SIPA1L3: variants seen among roughly 807,000 people sequenced by gnomAD.
SIPA1L3 encodes the protein signal induced proliferation associated 1 like 3, also known as signal-induced proliferation-associated 1-like protein 3.
A neutral mutation model predicts 150.1 loss-of-function variants in SIPA1L3; 59 were observed. The observed-to-expected ratio is 0.39, with a 90% confidence interval of 0.32 to 0.49. The LOEUF (loss-of-function observed/expected upper bound fraction) is 0.49. Among genes scored for constraint, SIPA1L3 ranks in the 20% least tolerant of loss-of-function variants. SIPA1L3 has a pLI of 0.86. For missense variants in SIPA1L3, 2,211 were observed against 2,489.5 expected (o/e 0.89, Z 2.38); for synonymous variants, 1,070 against 1,077.6 (o/e 0.99, Z 0.14).
rs201996351 is a variant in SIPA1L3 at position 38,192,317 on chromosome 19, A to C, written c.4596+7A>C. ...GCAGGAGAGAGACACGGGAGTACGT[A>C]GGGCCCTGTCCCCCGCTCCCGACCC... On this transcript the variant is annotated splice_region_variant and intron_variant, in intron 17 of 21. Coordinates refer to ENST00000222345, the MANE Select transcript of SIPA1L3 (RefSeq NM_015073.3). The C allele has an allele frequency of 6.3e-7, 1 of 1,593,284 alleles. No individual in the cohort carries two copies.
intron 4 of SIPA1L3, among the ~76,000 whole-genome samples, chr19:38,094,566 T>G (rs987936633): frequency 6.6e-6 from 1 of 152,148 alleles, no homozygotes; most frequent in African/African-American, 2.4e-5. Context: ...TATGTTTAAA[T>G]GAACAATCTC....
chr19:38,142,575 C>G lies in SIPA1L3; in HGVS notation c.3398C>G (p.Pro1133Arg). 6.2e-7 allele frequency: 1 copy of G among 1,607,924 alleles called. No homozygotes were observed. The highest frequency in any genetic ancestry group is 1.1e-5 in the South Asian group (1 of 90,400). The change falls in exon 12 of 22, where the codon CCT (proline) becomes CGT (arginine). Residue 1133 changes from proline to arginine, a missense_variant and splice_region_variant. Physicochemically the swap from Pro to Arg is moderately radical, Grantham distance 103 (BLOSUM62 -2). Coordinates refer to ENST00000222345, the MANE Select transcript of SIPA1L3 (RefSeq NM_015073.3). Reference protein sequence around the residue: ...RESQPLHSKRPVSFPETPYTV... With the variant: ...RESQPLHSKRRVSFPETPYTV... The stretch of plus-strand genomic sequence containing the variant: ...CTTCCTCCCCTGTCTCCTTCTAGGC[C>G]TGTCAGCTTCCCAGAAACCCCTTAC...
intron 2 of SIPA1L3, among the ~76,000 whole-genome samples, chr19:38,059,276 C>T (rs537462171): frequency 6.6e-6 from 1 of 150,646 alleles, no homozygotes; most frequent in East Asian, 2.0e-4. Context: ...GCTTGTATTA[C>T]AGGTGTGAGC....
In SIPA1L3 at chr19:38,193,662, C is replaced by A; in HGVS notation, c.4722C>A (p.Thr1574=). 6 of 1,581,674 alleles carry A rather than the reference C, an allele frequency of 3.8e-6. No homozygotes were observed. Among genetic ancestry groups the A allele is most frequent in the Non-Finnish European group, 4.3e-6 (5 of 1,171,716 alleles). Residue 1574 remains threonine, a synonymous_variant, in exon 18 of 22, where the codon ACC becomes ACA. Transcript: ENST00000222345. ...EPGLPSDVLF[T]STCAFPSSTL... The stretch of plus-strand genomic sequence containing the variant: ...GGCTGCCCAGCGACGTGCTCTTCAC[C>A]AGCACCTGCGCCTTCCCGTCCAGCA...
intron 15 of SIPA1L3, among the ~76,000 whole-genome samples, chr19:38,177,510 C>T (rs1205053275): frequency 1.3e-5 from 2 of 151,488 alleles, no homozygotes; most frequent in Non-Finnish European, 2.9e-5. Flanking sequence ...CCATTCCCCA[C>T]AAAAAGGGGG....
intron 15 of SIPA1L3, among the ~76,000 whole-genome samples, chr19:38,177,143 T>C (rs1026448094): frequency 3.3e-5 from 5 of 151,942 alleles, no homozygotes; most frequent in East Asian, 1.9e-4. Flanking sequence ...GGGCAGATCA[T>C]GAGGTCAGGA....
chr19:37,974,083 T>G (rs1967015501), intron 1 of SIPA1L3, among the ~76,000 whole-genome samples: 1 of 152,172 alleles, frequency 6.6e-6, no homozygotes. Flanking sequence ...ATGATGCTGA[T>G]CTAACATTGG....
Position 38,192,212 on chromosome 19 carries a change from C to A in SIPA1L3, c.4498C>A (p.Arg1500=), listed in dbSNP as rs147814643. Residue 1500 remains arginine (R), a synonymous_variant, in exon 17 of 22, where the codon CGG becomes AGG. Coordinates refer to ENST00000222345, the MANE Select transcript of SIPA1L3 (RefSeq NM_015073.3). The part of the protein sequence containing the change: ...PRLRASLRDL[R]SPRKNYKSTI... The stretch of plus-strand genomic sequence containing the variant: ...GTTGAGGGCATCCCTCCGAGACCTC[C>A]GGTCACCACGGAAGAACTACAAATC... 1 of 1,613,568 alleles carries A rather than the reference C, an allele frequency of 6.2e-7. No homozygotes were observed. The highest frequency in any genetic ancestry group is 1.1e-5 in the South Asian group (1 of 91,030).
rs56883776 is a variant in SIPA1L3, at chr19:37,918,871, AAAATAAATAAAT to A, written c.-379+11549_-379+11560del. ...GGGCGGCAGAGCGAGACTCGGTCTC[AAAATAAATAAAT>A]AAATAAATAAATAAATAAATAAATA... On this transcript the variant is annotated intron_variant, in intron 1 of 21. Transcript: ENST00000222345. Among the ~76,000 whole-genome samples, 206 of 140,310 alleles carry A rather than the reference AAAATAAATAAAT, an allele frequency of 1.5e-3. 1 individual carries two copies. The highest frequency in any genetic ancestry group is 2.7e-3 in the East Asian group (13 of 4,772). 92.0% of individuals were successfully genotyped at this position (140,310 alleles called of 152,430 possible).
chr19:37,912,252 A>C (rs540283369), intron 1 of SIPA1L3, among the ~76,000 whole-genome samples: 3 of 150,600 alleles, frequency 2.0e-5, no homozygotes. Flanking sequence ...AAAAAAAAGT[A>C]TAAAAAGTAT....
rs544625967 is a variant in SIPA1L3, at chr19:38,100,969, C to T, written c.1855-83C>T. The T allele has an allele frequency of 7.8e-6, 11 of 1,413,540 alleles. No individual in the cohort carries two copies. The African/African-American group carries it at 1.6e-4, about 21-fold the overall frequency. The allele number at this position is 1,413,540 out of a possible 1,614,324, so 87.6% of individuals were successfully genotyped here. ...GTGGTCCCAGCAGCTCCCAGGGCCT[C>T]AGGCCTCAGACATACCCCTTGCTCC... On this transcript the variant is annotated intron_variant, in intron 5 of 21. Coordinates refer to ENST00000222345, the MANE Select transcript of SIPA1L3 (RefSeq NM_015073.3).
intron 1 of SIPA1L3, among the ~76,000 whole-genome samples, chr19:37,976,278 T>C (rs1205121725): frequency 6.6e-6 from 1 of 152,050 alleles, no homozygotes; most frequent in Non-Finnish European, 1.5e-5. Flanking sequence ...GTTGTACGTC[T>C]CTTATTGGGT....
At chr19:37,937,491 C>A (rs767613832) in intron 1 of SIPA1L3, among the ~76,000 whole-genome samples, 1 of 151,810 alleles carries the variant, frequency 6.6e-6, no homozygotes, top group East Asian at 1.9e-4. Context: ...GTAATCCCAG[C>A]ACTTTGGGAG....
intron 1 of SIPA1L3, among the ~76,000 whole-genome samples, chr19:37,997,926 A>G (rs577149964): frequency 1.5e-4 from 23 of 152,148 alleles, no homozygotes; most frequent in South Asian, 2.1e-4. Context: ...AACCTAGAGC[A>G]CTGGTCTCCC....
chr19:38,204,280 C>A (rs1973156725), intron 21 of SIPA1L3, 72 bp downstream of exon 21: 10 of 1,298,734 alleles, frequency 7.7e-6, no homozygotes, highest in South Asian at 5.2e-5. Flanking sequence ...AGGGATCAGG[C>A]ACCTGCCCCC....
intron 2 of SIPA1L3, among the ~76,000 whole-genome samples, chr19:38,041,225 GCCT>G (rs1259518202): frequency 1.4e-5 from 2 of 145,750 alleles, no homozygotes; most frequent in Non-Finnish European, 3.0e-5. Context: ...TCCTGCCTCA[GCCT>G]CCTCAGTAGC....
chr19:38,068,348 G>C (rs565291986), intron 2 of SIPA1L3, among the ~76,000 whole-genome samples: 2 of 152,138 alleles, frequency 1.3e-5, no homozygotes, highest in Non-Finnish European at 2.9e-5. Context: ...GATTCTTAAC[G>C]TGCAATCTGC....
At chr19:38,106,108 AT>A (rs56305500) in intron 6 of SIPA1L3, among the ~76,000 whole-genome samples, 114,948 of 134,006 alleles carry the variant, frequency 0.86, 48,919 homozygotes, top group East Asian at 0.92. Flanking sequence ...AATGTATTTA[AT>A]TTTTTTTTTT....
At chr19:38,105,799 C>T (rs950277373) in intron 6 of SIPA1L3, among the ~76,000 whole-genome samples, 10 of 152,222 alleles carry the variant, frequency 6.6e-5, no homozygotes, top group African/African-American at 2.4e-4. Context: ...CCAGTGTGTT[C>T]ACCCATTCTT....
Sources: allele counts gnomAD v4.1 joint callset (sites outside exome capture counted in the v4.1 genomes callset), GRCh38; gene constraint gnomAD v4.1.1; transcripts MANE v1.5; gene names NCBI Gene and HGNC (gene_info 2026-07-23, HGNC 2026-07-21).